HMGB1: variants seen among roughly 807,000 people sequenced by gnomAD.
HMGB1 encodes the protein high mobility group protein B1.
For missense variants in HMGB1, 79 were observed against 253.5 expected (o/e 0.31, Z 4.67); for synonymous variants, 81 against 84.0 (o/e 0.96, Z 0.19).
intron 1 of HMGB1, among the ~76,000 whole-genome samples, chr13:30,556,827 C>T (rs542217253): frequency 2.0e-5 from 3 of 152,226 alleles, no homozygotes; most frequent in African/African-American, 4.8e-5. Context: ...TTCTAGTGTT[C>T]GACAGCACTG....
chr13:30,552,457 C>T (rs1172572958), intron 1 of HMGB1, among the ~76,000 whole-genome samples: 2 of 152,150 alleles, frequency 1.3e-5, no homozygotes, highest in Non-Finnish European at 2.9e-5. Flanking sequence ...TTCTATTTAT[C>T]TTTCAAGACT....
Position 30,537,312 on chromosome 13 carries a change from G to T in HMGB1, c.-14-73618C>A, listed in dbSNP as rs115801864. Among the ~76,000 whole-genome samples the T allele has an allele frequency of 2.4e-3, 364 of 152,062 alleles. 1 individual carries two copies. The highest frequency in any genetic ancestry group is 7.9e-3 in the African/African-American group (327 of 41,468). On this transcript the variant is annotated intron_variant, in intron 1 of 4. Coordinates refer to the HMGB1 transcript ENST00000405805. ...CATAAATTTCACTATGGTGTGTTTT[G>T]ATATGGAACTTAGAAAAACGTTGTT...
chr13:30,558,174 T>C (rs760542823), intron 1 of HMGB1, among the ~76,000 whole-genome samples: 2 of 152,254 alleles, frequency 1.3e-5, no homozygotes, highest in African/African-American at 2.4e-5. Context: ...CAGGCAAATA[T>C]GGATCAGAAA....
intron 1 of HMGB1, among the ~76,000 whole-genome samples, chr13:30,588,741 A>G (rs900219754): frequency 1.3e-5 from 2 of 151,896 alleles, no homozygotes; most frequent in African/African-American, 4.8e-5. Context: ...ACATGGTGAA[A>G]CCCCGTCTCT....
chr13:30,462,493 T>C (rs1886416654), intron 4 of HMGB1, 45 bp downstream of exon 4: 1 of 1,441,750 alleles, frequency 6.9e-7, no homozygotes, highest in East Asian at 2.3e-5. Context: ...ATCATACATC[T>C]GGCGTACTTG....
chr13:30,491,599 G>T (rs966376954), intron 1 of HMGB1, among the ~76,000 whole-genome samples: 1 of 150,788 alleles, frequency 6.6e-6, no homozygotes, highest in African/African-American at 2.4e-5. Flanking sequence ...GGAGGCAGAG[G>T]TTGCAGCGAG....
chr13:30,479,462 C>A (rs1234555136), intron 1 of HMGB1, among the ~76,000 whole-genome samples: 1 of 152,210 alleles, frequency 6.6e-6, no homozygotes, highest in African/African-American at 2.4e-5. Context: ...CACACTGGCT[C>A]AAATTCTAGC....
chr13:30,609,216 C>A (rs116496907), intron 1 of HMGB1, among the ~76,000 whole-genome samples: 1 of 152,064 alleles, frequency 6.6e-6, no homozygotes, highest in Non-Finnish European at 1.5e-5. Flanking sequence ...TGAGCCATTG[C>A]GCCACTGCAC....
chr13:30,483,374 G>T (rs773602268), intron 1 of HMGB1, among the ~76,000 whole-genome samples: 24 of 151,674 alleles, frequency 1.6e-4, no homozygotes, highest in African/African-American at 5.8e-4. Context: ...CTCACTCCCC[G>T]CAACCAGCAA....
At chr13:30,579,695 G>A (rs2137541547) in intron 1 of HMGB1, among the ~76,000 whole-genome samples, 1 of 152,232 alleles carries the variant, frequency 6.6e-6, no homozygotes, top group Admixed American at 6.5e-5. Flanking sequence ...ATACATAAGA[G>A]AACGTACGTA....
intron 1 of HMGB1, among the ~76,000 whole-genome samples, chr13:30,568,158 C>T (rs1321113767): frequency 6.6e-6 from 1 of 151,988 alleles, no homozygotes; most frequent in Non-Finnish European, 1.5e-5. Flanking sequence ...AAATGGTGGT[C>T]CCCCAAAAAG....
intron 1 of HMGB1, chr13:30,464,443 A>G (rs1886580451): frequency 2.0e-6 from 2 of 985,246 alleles, no homozygotes; most frequent in Non-Finnish European, 2.4e-6. Flanking sequence ...TGGAGCCGTG[A>G]AAGTTGGGGT....
chr13:30,464,312 T>G, intron 1 of HMGB1: 7 of 985,350 alleles, frequency 7.1e-6, no homozygotes, highest in Non-Finnish European at 8.4e-6. Context: ...CCCTGAGATG[T>G]ATTTCTGTTC....
intron 1 of HMGB1, among the ~76,000 whole-genome samples, chr13:30,552,153 T>C (rs1000893559): frequency 6.6e-6 from 1 of 152,204 alleles, no homozygotes; most frequent in African/African-American, 2.4e-5. Flanking sequence ...GTTGTAAGAT[T>C]AGTGCAATAA....
chr13:30,514,395 C>A lies in HMGB1; in HGVS notation c.-14-50701G>T, dbSNP rs76773755. Among the ~76,000 whole-genome samples, 36 of 146,824 alleles carry A rather than the reference C, an allele frequency of 2.5e-4. No individual in the cohort carries two copies. In the East Asian group the frequency reaches 7.4e-3, roughly 30 times the overall value. On this transcript the variant is annotated intron_variant, in intron 1 of 4. Coordinates refer to the HMGB1 transcript ENST00000405805. The stretch of plus-strand genomic sequence containing the variant: ...TAAGAGATAGGGTCTCACTATGTTA[C>A]CGAGTTTGGACTCAAACTCCTGGGC...
At chr13:30,598,470 T>C (rs1357182680) in intron 1 of HMGB1, among the ~76,000 whole-genome samples, 6 of 152,238 alleles carry the variant, frequency 3.9e-5, no homozygotes, top group Non-Finnish European at 5.9e-5. Flanking sequence ...GCTCAATAAA[T>C]GTTAAGGCCT....
At chr13:30,497,916 T>TA in intron 1 of HMGB1, among the ~76,000 whole-genome samples, 1 of 152,296 alleles carries the variant, frequency 6.6e-6, no homozygotes, top group South Asian at 2.1e-4. Context: ...GCAATGAACA[T>TA]ACGCATGTGT....
intron 1 of HMGB1, among the ~76,000 whole-genome samples, chr13:30,578,690 T>C (rs1308444976): frequency 2.6e-5 from 4 of 152,128 alleles, no homozygotes; most frequent in African/African-American, 9.7e-5. Context: ...AAGAAGAAAG[T>C]CTAACCTCCT....
At chr13:30,511,838 A>G (rs1269652845) in intron 1 of HMGB1, among the ~76,000 whole-genome samples, 2 of 152,142 alleles carry the variant, frequency 1.3e-5, no homozygotes, top group African/African-American at 4.8e-5. Context: ...ACACCTCTAG[A>G]GGTTCCCTAC....
Sources: gnomAD v4.1 joint callset for allele counts (sites outside exome capture counted in the v4.1 genomes callset) on GRCh38, gnomAD v4.1.1 for gene constraint, MANE v1.5 for transcripts, NCBI Gene and HGNC (gene_info 2026-07-23, HGNC 2026-07-21) for gene names.